Variants in FAM43B observed in about 807,000 individuals in gnomAD.
The protein encoded by FAM43B is family with sequence similarity 43 member B.
Under a neutral mutation model 20.1 loss-of-function variants are expected in FAM43B, and 17 were observed. The observed-to-expected ratio is 0.84, with a 90% CI of 0.58 to 1.27. The LOEUF is 1.27. FAM43B is among the 50% of genes most tolerant of loss of function. The pLI, the probability that FAM43B is intolerant of heterozygous loss-of-function variation, is 0.00. For synonymous variants in FAM43B, 208 were observed against 238.5 expected, an observed-to-expected ratio of 0.87 and a Z score of 1.18; for missense variants, 512 against 516.7, an observed-to-expected ratio of 0.99 and a Z score of 0.09.
In FAM43B at chr1:20,553,774, C is replaced by CGAG. The variant is rs763440582; in HGVS notation, c.816_818dup (p.Glu272dup). The CGAG allele has an allele frequency of 2.1e-3, 3,097 of 1,470,498 alleles. 35 individuals carry two copies. The African/African-American group carries it at 0.038, about 18-fold the overall frequency. 91.1% of individuals were successfully genotyped at this position (1,470,498 alleles called of 1,614,324 possible). ...GCCTCAGCAGCATCCAGGAGGAGGA[C>CGAG]GAGGAGGAGGAGGAGGACGACGCGG... On this transcript the variant is annotated inframe_insertion, in exon 1 of 1. Coordinates refer to ENST00000332947, the MANE Select transcript of FAM43B (RefSeq NM_207334.3). This position sits in a 1 kb window ranked among gnomAD's most constrained non-coding sequence, Gnocchi z 6.5.
Position 20,554,669 on chromosome 1 carries a change from C to G in FAM43B, c.*706C>G, listed in dbSNP as rs1219389383. On this transcript the variant is annotated 3_prime_UTR_variant, in exon 1 of 1. Coordinates refer to ENST00000332947, the MANE Select transcript of FAM43B (RefSeq NM_207334.3). Reference sequence around the variant, plus strand: ...CCTGGCACCCCCAGGGGATTCCTTGCCCATCCCATCTCTCTGCAGACGGAT... The same window carrying G: ...CCTGGCACCCCCAGGGGATTCCTTGGCCATCCCATCTCTCTGCAGACGGAT... 6.0e-6 allele frequency: 1 copy of G among 167,454 alleles called. No homozygotes were observed. The highest frequency in any genetic ancestry group is 1.5e-5 in the Non-Finnish European group (1 of 68,402). 10.4% of individuals were successfully genotyped at this position (167,454 alleles called of 1,614,324 possible).
Position 20,554,092 on chromosome 1 carries a change from C to G in FAM43B, c.*129C>G, listed in dbSNP as rs1412405485. ...TCCCCCGTGGTCTCCGTGTTGTCCG[C>G]CCCGCCGCCTCATTTTGGCTCAGGG... On this transcript the variant is annotated 3_prime_UTR_variant, in exon 1 of 1. Transcript: ENST00000332947. 12 of 1,087,680 alleles carry G rather than the reference C, an allele frequency of 1.1e-5. No individual in the cohort carries two copies. Among genetic ancestry groups the G allele is most frequent in the African/African-American group, 1.7e-5 (1 of 60,250 alleles). 67.4% of individuals were successfully genotyped at this position (1,087,680 alleles called of 1,614,324 possible). A position where few individuals can be genotyped will look rare whatever the true frequency, so the allele number is the denominator to read the frequency against.
rs542411550 is a variant in FAM43B at position 20,554,273 on chromosome 1, G to C, written c.*310G>C. ...TCCCTCCCAAAACATCCTCTCAAGAGAAGGGAGGAGAAGTTTCAAGAAATC... is the reference window on the plus strand; with the variant it reads ...TCCCTCCCAAAACATCCTCTCAAGACAAGGGAGGAGAAGTTTCAAGAAATC... On this transcript the variant is annotated 3_prime_UTR_variant, in exon 1 of 1. Transcript: ENST00000332947. The C allele has an allele frequency of 4.8e-6, 1 of 210,082 alleles. No homozygotes were observed. Among genetic ancestry groups the C allele is most frequent in the South Asian group, 1.9e-4 (1 of 5,214 alleles). 13.0% of individuals were successfully genotyped at this position (210,082 alleles called of 1,614,324 possible). A position where few individuals can be genotyped will look rare whatever the true frequency, so the allele number is the denominator to read the frequency against.
At position 20,553,871 on chromosome 1, in the gene FAM43B, T is replaced by A; in HGVS notation, c.898T>A (p.Cys300Ser). The A allele has an allele frequency of 1.5e-6, 2 of 1,372,858 alleles. No individual in the cohort carries two copies. Among genetic ancestry groups the A allele is most frequent in the South Asian group, 3.3e-5 (2 of 60,914 alleles). 85.0% of individuals were successfully genotyped at this position (1,372,858 alleles called of 1,614,324 possible). Residue 300 changes from cysteine to serine, a missense_variant, in exon 1 of 1, where the codon TGC becomes AGC. Physicochemically the swap from Cys to Ser is moderately radical, Grantham distance 112 (BLOSUM62 -1). Coordinates refer to ENST00000332947, the MANE Select transcript of FAM43B (RefSeq NM_207334.3). The surrounding 1 kb of genome is among the most constrained non-coding windows in gnomAD (Gnocchi z 6.5). ...VLSLARELRT[C>S]SLRGAPAPPP... The stretch of plus-strand genomic sequence containing the variant: ...CAGCCTGGCCCGGGAGCTGAGGACG[T>A]GCAGCCTGCGGGGCGCCCCGGCGCC...
chr1:20,553,903 G>A lies in FAM43B; in HGVS notation c.930G>A (p.Pro310=), dbSNP rs1317412943. The stretch of plus-strand genomic sequence containing the variant: ...TGCGGGGCGCCCCGGCGCCCCCGCC[G>A]CCCGCGCAGCCCCGCCGCTGGAAGG... The part of the protein sequence containing the change: ...CSLRGAPAPP[P]PAQPRRWKAG... Residue 310 remains proline (P), a synonymous_variant, in exon 1 of 1, where the codon CCG becomes CCA. Coordinates refer to ENST00000332947, the MANE Select transcript of FAM43B (RefSeq NM_207334.3). This position sits in a 1 kb window ranked among gnomAD's most constrained non-coding sequence, Gnocchi z 6.5. 3 of 1,261,940 alleles carry A rather than the reference G, an allele frequency of 2.4e-6. No individual in the cohort carries two copies. The highest frequency in any genetic ancestry group is 6.6e-5 in the East Asian group (2 of 30,130). The allele number at this position is 1,261,940 out of a possible 1,614,324, so 78.2% of individuals were successfully genotyped here. A position where few individuals can be genotyped will look rare whatever the true frequency, so the allele number is the denominator to read the frequency against.
At position 20,553,051 on chromosome 1, in the gene FAM43B, G is replaced by T; in HGVS notation, c.78G>T (p.Gly26=). Residue 26 remains glycine (G), a synonymous_variant, in exon 1 of 1, where the codon GGG becomes GGT. Coordinates refer to ENST00000332947, the MANE Select transcript of FAM43B (RefSeq NM_207334.3). This position sits in a 1 kb window ranked among gnomAD's most constrained non-coding sequence, Gnocchi z 6.5. ...GCAAGGCGAAGAGCCTGAGTCCGGGGCTCGCCTACACGTCGCTGCTCTCCA... is the reference window on the plus strand; with the variant it reads ...GCAAGGCGAAGAGCCTGAGTCCGGGTCTCGCCTACACGTCGCTGCTCTCCA... The part of the protein sequence containing the change: ...AKCKAKSLSP[G]LAYTSLLSSF... The T allele has an allele frequency of 6.2e-7, 1 of 1,613,432 alleles. No individual in the cohort carries two copies. Among genetic ancestry groups the T allele is most frequent in the Non-Finnish European group, 8.5e-7 (1 of 1,179,874 alleles).
Position 20,552,994 on chromosome 1 carries a change from C to A in FAM43B, c.21C>A (p.Asn7Lys). 1 of 1,613,502 alleles carries A rather than the reference C, an allele frequency of 6.2e-7. No individual in the cohort carries two copies. The highest frequency in any genetic ancestry group is 8.5e-7 in the Non-Finnish European group (1 of 1,179,884). MLPWRRNKFVLVEDEAK... is the reference protein window; with the variant it reads MLPWRRKKFVLVEDEAK... The stretch of plus-strand genomic sequence containing the variant: ...CCGCGATGCTGCCCTGGAGACGTAA[C>A]AAATTCGTGCTGGTGGAGGACGAGG... Residue 7 changes from asparagine to lysine, a missense_variant, in exon 1 of 1, where the codon AAC becomes AAA. Physicochemically the swap from Asn to Lys is moderately conservative, Grantham distance 94 (BLOSUM62 0). Transcript: ENST00000332947.
At position 20,553,643 on chromosome 1, in the gene FAM43B, G is replaced by T; in HGVS notation, c.670G>T (p.Ala224Ser). Residue 224 changes from alanine to serine, a missense_variant, in exon 1 of 1, where the codon GCT becomes TCT. Physicochemically the swap from Ala to Ser is moderately conservative, Grantham distance 99. Coordinates refer to ENST00000332947, the MANE Select transcript of FAM43B (RefSeq NM_207334.3). This position sits in a 1 kb window ranked among gnomAD's most constrained non-coding sequence, Gnocchi z 6.5. ...CCACGTGCGCCAGCAGCATCTCCGC[G>T]CTGGGGGCGCCGCCGCCTCGGTGCC... is the stretch of plus-strand genomic sequence containing the variant. The part of the protein sequence containing the change: ...ARHVRQQHLR[A>S]GGAAASVPRA... 2 of 1,285,674 alleles carry T rather than the reference G, an allele frequency of 1.6e-6. No homozygotes were observed. The highest frequency in any genetic ancestry group is 4.2e-5 in the Admixed American group (1 of 23,958). The allele number at this position is 1,285,674 out of a possible 1,614,324, so 79.6% of individuals were successfully genotyped here. A position where few individuals can be genotyped will look rare whatever the true frequency, so the allele number is the denominator to read the frequency against.
In FAM43B at chr1:20,553,328, A is replaced by T. The variant is rs756505020; in HGVS notation, c.355A>T (p.Ile119Phe). Reference sequence around the variant, plus strand: ...GAAGCTGACGCTGGGGCCGCACGGCATCCGCATGCAGCCGTGCGAGCGCAG... The same window carrying T: ...GAAGCTGACGCTGGGGCCGCACGGCTTCCGCATGCAGCCGTGCGAGCGCAG... The part of the protein sequence containing the change: ...KMKLTLGPHG[I>F]RMQPCERSAA... Residue 119 changes from isoleucine to phenylalanine, a missense_variant, in exon 1 of 1, where the codon ATC (isoleucine) becomes TTC (phenylalanine). Physicochemically the swap from Ile to Phe is conservative, Grantham distance 21. Transcript: ENST00000332947. This position sits in a 1 kb window ranked among gnomAD's most constrained non-coding sequence, Gnocchi z 6.5. 1 of 1,558,776 alleles carries T rather than the reference A, an allele frequency of 6.4e-7. No homozygotes were observed. Among genetic ancestry groups the T allele is most frequent in the South Asian group, 1.2e-5 (1 of 85,106 alleles).
rs2052180350 is a variant in FAM43B, at chr1:20,554,945, C to T, written c.*982C>T. ...CCCCCACCCAGGTGTCTCCGCAAGA[C>T]CACAAAAAGCCCAAAGATCTATGTG... On this transcript the variant is annotated 3_prime_UTR_variant, in exon 1 of 1. Coordinates refer to ENST00000332947, the MANE Select transcript of FAM43B (RefSeq NM_207334.3). 6.0e-6 allele frequency: 1 copy of T among 167,120 alleles called. No individual in the cohort carries two copies. The highest frequency in any genetic ancestry group is 2.4e-5 in the African/African-American group (1 of 41,462). The allele number at this position is 167,120 out of a possible 1,614,324, so 10.4% of individuals were successfully genotyped here.
At position 20,553,328 on chromosome 1, in the gene FAM43B, A is replaced by C; in HGVS notation, c.355A>C (p.Ile119Leu). The change falls in exon 1 of 1, where the codon ATC (isoleucine) becomes CTC (leucine). Residue 119 changes from isoleucine to leucine, a missense_variant. Physicochemically the swap from Ile to Leu is conservative, Grantham distance 5 (BLOSUM62 2). Coordinates refer to ENST00000332947, the MANE Select transcript of FAM43B (RefSeq NM_207334.3). This position sits in a 1 kb window ranked among gnomAD's most constrained non-coding sequence, Gnocchi z 6.5. ...KMKLTLGPHG[I>L]RMQPCERSAA... The stretch of plus-strand genomic sequence containing the variant: ...GAAGCTGACGCTGGGGCCGCACGGC[A>C]TCCGCATGCAGCCGTGCGAGCGCAG... The C allele has an allele frequency of 6.4e-7, 1 of 1,558,776 alleles. No homozygotes were observed. Among genetic ancestry groups the C allele is most frequent in the Non-Finnish European group, 8.7e-7 (1 of 1,154,836 alleles).
Position 20,553,119 on chromosome 1 carries a change from T to C in FAM43B, c.146T>C (p.Leu49Pro), listed in dbSNP as rs1012408129. The change falls in exon 1 of 1, where the codon CTG (leucine) becomes CCG (proline). Residue 49 changes from leucine (L) to proline (P), a missense_variant. Physicochemically the swap from Leu to Pro is moderately conservative, Grantham distance 98. Transcript: ENST00000332947. The surrounding 1 kb of genome is among the most constrained non-coding windows in gnomAD (Gnocchi z 6.5). ...SCPDLLPDWP[L>P]ERLGRVFRSR... ...CCGGACCTGCTGCCCGACTGGCCGC[T>C]GGAGCGCTTGGGCCGTGTGTTCCGC... 3.7e-6 allele frequency: 6 copies of C among 1,613,454 alleles called. No individual in the cohort carries two copies. Among genetic ancestry groups the C allele is most frequent in the East Asian group, 2.2e-5 (1 of 44,862 alleles).
Position 20,553,706 on chromosome 1 carries a change from G to C in FAM43B, c.733G>C (p.Ala245Pro). ...PLRRLLNAKC[A>P]YRPPPSERSR... ...GCGCCGCCTGCTCAATGCCAAGTGC[G>C]CCTACCGGCCGCCGCCGAGCGAGCG... The change falls in exon 1 of 1, where the codon GCC (alanine) becomes CCC (proline). Residue 245 changes from alanine (A) to proline (P), a missense_variant. Coordinates refer to ENST00000332947, the MANE Select transcript of FAM43B (RefSeq NM_207334.3). This position sits in a 1 kb window ranked among gnomAD's most constrained non-coding sequence, Gnocchi z 6.5. 6.9e-7 allele frequency: 1 copy of C among 1,448,062 alleles called. No individual in the cohort carries two copies. Among genetic ancestry groups the C allele is most frequent in the Non-Finnish European group, 9.1e-7 (1 of 1,097,418 alleles). The allele number at this position is 1,448,062 out of a possible 1,614,324, so 89.7% of individuals were successfully genotyped here. A position where few individuals can be genotyped will look rare whatever the true frequency, so the allele number is the denominator to read the frequency against.
chr1:20,552,775 G>A lies in FAM43B; in HGVS notation c.-199G>A. ...CTCGGCCGCCGTCCGCACCTCGGCTGCTGGCCCGGCTGGGCACCGGGCATC... is the reference window on the plus strand; with the variant it reads ...CTCGGCCGCCGTCCGCACCTCGGCTACTGGCCCGGCTGGGCACCGGGCATC... On this transcript the variant is annotated 5_prime_UTR_variant, in exon 1 of 1. Transcript: ENST00000332947. The A allele has an allele frequency of 1.5e-6, 1 of 662,562 alleles. No homozygotes were observed. The highest frequency in any genetic ancestry group is 2.5e-6 in the Non-Finnish European group (1 of 397,290). The allele number at this position is 662,562 out of a possible 1,614,324, so 41.0% of individuals were successfully genotyped here.
chr1:20,553,177 G>A lies in FAM43B; in HGVS notation c.204G>A (p.Glu68=). ...GCCAGAAAGTGGAGCTCAACAAGGA[G>A]GACCCGACCTACACCGTGTGGTACC... is the stretch of plus-strand genomic sequence containing the variant. ...SRRQKVELNK[E]DPTYTVWYLG... is the part of the protein sequence containing the mutation. The change falls in exon 1 of 1, where the codon GAG becomes GAA. Residue 68 remains glutamate (E), a synonymous_variant. Transcript: ENST00000332947. This position sits in a 1 kb window ranked among gnomAD's most constrained non-coding sequence, Gnocchi z 6.5. The A allele has an allele frequency of 1.2e-6, 2 of 1,613,218 alleles. No individual in the cohort carries two copies. Among genetic ancestry groups the A allele is most frequent in the Non-Finnish European group, 1.7e-6 (2 of 1,179,700 alleles).
chr1:20,553,702 G>T lies in FAM43B; in HGVS notation c.729G>T (p.Lys243Asn). 1 of 1,445,760 alleles carries T rather than the reference G, an allele frequency of 6.9e-7. No individual in the cohort carries two copies. 89.6% of individuals were successfully genotyped at this position (1,445,760 alleles called of 1,614,324 possible). A position where few individuals can be genotyped will look rare whatever the true frequency, so the allele number is the denominator to read the frequency against. ...RAPLRRLLNA[K>N]CAYRPPPSER... Reference sequence around the variant, plus strand: ...CACTGCGCCGCCTGCTCAATGCCAAGTGCGCCTACCGGCCGCCGCCGAGCG... The same window carrying T: ...CACTGCGCCGCCTGCTCAATGCCAATTGCGCCTACCGGCCGCCGCCGAGCG... The change falls in exon 1 of 1, where the codon AAG becomes AAT. Residue 243 changes from lysine to asparagine, a missense_variant. By Grantham distance (94) the Lys-to-Asn change is moderately conservative. Coordinates refer to ENST00000332947, the MANE Select transcript of FAM43B (RefSeq NM_207334.3). The surrounding 1 kb of genome is among the most constrained non-coding windows in gnomAD (Gnocchi z 6.5).
In FAM43B at chr1:20,553,580, AG is replaced by A; in HGVS notation, c.608del (p.Ser203ThrfsTer95). 1 of 1,277,350 alleles carries A rather than the reference AG, an allele frequency of 7.8e-7. No individual in the cohort carries two copies. The highest frequency in any genetic ancestry group is 3.2e-5 in the East Asian group (1 of 30,820). The allele number at this position is 1,277,350 out of a possible 1,614,324, so 79.1% of individuals were successfully genotyped here. ...LLRQTALAAF[S>X]DFKRLQRQSD... ...CCGCCAGACCGCGCTGGCGGCCTTC[AG>A]CGACTTCAAGCGCCTGCAGCGCCAG... On this transcript the variant is annotated frameshift_variant, in exon 1 of 1. Transcript: ENST00000332947. LOFTEE classifies it high-confidence loss of function. This position sits in a 1 kb window ranked among gnomAD's most constrained non-coding sequence, Gnocchi z 6.5.
chr1:20,553,054 C>CGCCTA lies in FAM43B; in HGVS notation c.82_86dup (p.Tyr29Ter), dbSNP rs781408214. ...AGGCGAAGAGCCTGAGTCCGGGGCT[C>CGCCTA]GCCTACACGTCGCTGCTCTCCAGCT... On this transcript the variant is annotated frameshift_variant, in exon 1 of 1. Transcript: ENST00000332947. LOFTEE classifies it high-confidence loss of function. The surrounding 1 kb of genome is among the most constrained non-coding windows in gnomAD (Gnocchi z 6.5). The CGCCTA allele has an allele frequency of 1.9e-6, 3 of 1,613,418 alleles. No homozygotes were observed.
chr1:20,553,749 G>C lies in FAM43B; in HGVS notation c.776G>C (p.Arg259Pro). ...PPSERSRGAP[R>P]LSSIQEEDEE... ...AGCGAGCGCAGCCGCGGGGCGCCGC[G>C]CCTCAGCAGCATCCAGGAGGAGGAC... is the stretch of plus-strand genomic sequence containing the variant. The change falls in exon 1 of 1, where the codon CGC (arginine) becomes CCC (proline). Residue 259 changes from arginine to proline, a missense_variant. By Grantham distance (103) the Arg-to-Pro change is moderately radical. Transcript: ENST00000332947. The surrounding 1 kb of genome is among the most constrained non-coding windows in gnomAD (Gnocchi z 6.5). 11 of 1,468,336 alleles carry C rather than the reference G, an allele frequency of 7.5e-6. No individual in the cohort carries two copies. The highest frequency in any genetic ancestry group is 1.0e-5 in the Non-Finnish European group (11 of 1,105,392). 91.0% of individuals were successfully genotyped at this position (1,468,336 alleles called of 1,614,324 possible). A position where few individuals can be genotyped will look rare whatever the true frequency, so the allele number is the denominator to read the frequency against.
Sources: allele counts gnomAD v4.1 joint callset, GRCh38; gene constraint gnomAD v4.1.1; non-coding constraint Gnocchi (gnomAD v3.1); transcripts MANE v1.5; gene names NCBI Gene and HGNC (gene_info 2026-07-23, HGNC 2026-07-21).